HECW2: variants seen among roughly 807,000 people sequenced by gnomAD.
HECW2 encodes HECT, C2 and WW domain containing E3 ubiquitin protein ligase 2.
Under a neutral mutation model 175.2 loss-of-function variants are expected in HECW2, and 61 were observed. That is an observed-to-expected ratio of 0.35 (90% CI 0.28 to 0.43). The LOEUF is 0.43. HECW2 is among the 20% of genes least tolerant of loss of function. The pLI is 1.00. For synonymous variants in HECW2, 671 were observed against 731.0 expected (o/e 0.92, Z 1.32); for missense variants, 1,524 against 2,000.5 (o/e 0.76, Z 4.54).
chr2:196,375,452 A>C (rs540069342), intron 2 of HECW2, among the ~76,000 whole-genome samples: 14 of 152,322 alleles, frequency 9.2e-5, no homozygotes, highest in Admixed American at 7.2e-4. Flanking sequence ...TTTCTCTATA[A>C]ACTTTAATAG....
chr2:196,560,227 C>T (rs1018261917), intron 1 of HECW2, among the ~76,000 whole-genome samples: 2 of 152,156 alleles, frequency 1.3e-5, no homozygotes, highest in Non-Finnish European at 2.9e-5. Flanking sequence ...CTCACTGCAA[C>T]CTCCACCTCC....
intron 2 of HECW2, among the ~76,000 whole-genome samples, chr2:196,392,528 T>G (rs1464229941): frequency 6.6e-6 from 1 of 152,176 alleles, no homozygotes; most frequent in East Asian, 1.9e-4. Flanking sequence ...TTGTCAGCAA[T>G]GCAACACAAG....
chr2:196,566,699 AT>A (rs58391487), intron 1 of HECW2, among the ~76,000 whole-genome samples: 47,656 of 95,566 alleles, frequency 0.5, 6,923 homozygotes, highest in South Asian at 0.59. Flanking sequence ...CACCCAGCTA[AT>A]TTTTTTTTTT....
At position 196,266,433 on chromosome 2, in the gene HECW2, G is replaced by C. The variant is rs146639083; in HGVS notation, c.3335+4760C>G. Among the ~76,000 whole-genome samples, 646 of 152,276 alleles carry C rather than the reference G, an allele frequency of 4.2e-3. 1 individual carries two copies. The highest frequency in any genetic ancestry group is 7.5e-3 in the Non-Finnish European group (511 of 68,020). ...GTAGGAAAATAATAGTCTCAGTCCAGATTTGCTATTATTTAAGTTTGGTAC... is the reference window on the plus strand; with the variant it reads ...GTAGGAAAATAATAGTCTCAGTCCACATTTGCTATTATTTAAGTTTGGTAC... On this transcript the variant is annotated intron_variant, in intron 17 of 28. Transcript: ENST00000644978.
chr2:196,264,890 C>A (rs1689449595), intron 17 of HECW2, among the ~76,000 whole-genome samples: 1 of 152,156 alleles, frequency 6.6e-6, no homozygotes, highest in African/African-American at 2.4e-5. Context: ...TTCCTTACTG[C>A]CCTGAAGAAG....
intron 14 of HECW2, among the ~76,000 whole-genome samples, chr2:196,287,087 A>G (rs1291923691): frequency 2.6e-5 from 4 of 152,196 alleles, no homozygotes; most frequent in Admixed American, 2.6e-4. Flanking sequence ...TTTCTACCCT[A>G]CAAATATTTG....
intron 13 of HECW2, among the ~76,000 whole-genome samples, chr2:196,299,908 G>A (rs568594819): frequency 1.0e-3 from 149 of 147,650 alleles, no homozygotes; most frequent in African/African-American, 3.6e-3. Flanking sequence ...CAGCCTGGGC[G>A]ACAGAGCGAA....
intron 2 of HECW2, among the ~76,000 whole-genome samples, chr2:196,414,541 C>T (rs1216442644): frequency 6.6e-6 from 1 of 152,176 alleles, no homozygotes. Flanking sequence ...AAGGGGCCTT[C>T]CTGAGTCCTA....
At chr2:196,377,573 A>G (rs928617837) in intron 2 of HECW2, among the ~76,000 whole-genome samples, 5 of 152,204 alleles carry the variant, frequency 3.3e-5, no homozygotes, top group Non-Finnish European at 7.3e-5. Context: ...CAGCATGGGA[A>G]AGACCCACCT....
In HECW2 at chr2:196,196,153, G is replaced by GA. The variant is rs1222808047; in HGVS notation, c.*5123dup. On this transcript the variant is annotated 3_prime_UTR_variant, in exon 29 of 29. Transcript: ENST00000644978. ...GGTCATCCTTCCTGACAGCTCCTCG[G>GA]AATGCAGTTACCACTCTGAATCTTG... is the stretch of plus-strand genomic sequence containing the variant. 1 of 152,192 alleles carries GA rather than the reference G, an allele frequency of 6.6e-6. No individual in the cohort carries two copies. The highest frequency in any genetic ancestry group is 1.5e-5 in the Non-Finnish European group (1 of 68,072). The allele number at this position is 152,192 out of a possible 1,614,324, so 9.4% of individuals were successfully genotyped here. A position where few individuals can be genotyped will look rare whatever the true frequency, so the allele number is the denominator to read the frequency against.
At chr2:196,318,489 T>G in intron 9 of HECW2, 63 bp downstream of exon 9, 1 of 1,394,056 alleles carries the variant, frequency 7.2e-7, no homozygotes, top group Non-Finnish European at 9.4e-7. Flanking sequence ...AGGGGAAAAC[T>G]ACAGAACTTC....
chr2:196,562,590 T>C (rs939989984), intron 1 of HECW2, among the ~76,000 whole-genome samples: 1 of 152,212 alleles, frequency 6.6e-6, no homozygotes, highest in Non-Finnish European at 1.5e-5. Flanking sequence ...AACCCCAGCC[T>C]TATCACTGCA....
intron 2 of HECW2, among the ~76,000 whole-genome samples, chr2:196,399,937 G>C (rs1328868952): frequency 6.6e-6 from 1 of 152,180 alleles, no homozygotes; most frequent in African/African-American, 2.4e-5. Context: ...CAGGAATTAA[G>C]TAGACTCCTG....
intron 13 of HECW2, among the ~76,000 whole-genome samples, 183 bp downstream of exon 13, chr2:196,306,305 A>G (rs1208813862): frequency 6.6e-6 from 1 of 152,208 alleles, no homozygotes; most frequent in Non-Finnish European, 1.5e-5. Flanking sequence ...TAGCAGCCCA[A>G]TGAACTCAAA....
intron 14 of HECW2, among the ~76,000 whole-genome samples, chr2:196,287,194 T>G (rs1690423761): frequency 6.6e-6 from 1 of 152,168 alleles, no homozygotes; most frequent in Non-Finnish European, 1.5e-5. Context: ...ACTCCCAATC[T>G]GACACCCAAA....
At chr2:196,546,978 C>T (rs539257747) in intron 1 of HECW2, among the ~76,000 whole-genome samples, 18 of 152,144 alleles carry the variant, frequency 1.2e-4, no homozygotes, top group African/African-American at 4.1e-4. Flanking sequence ...AAGTAAGCAT[C>T]GGGAAAGTAT....
Position 196,319,483 on chromosome 2 carries a change from ATCT to A in HECW2, c.1404_1406del (p.Glu468del), listed in dbSNP as rs1390228888. On this transcript the variant is annotated inframe_deletion, in exon 9 of 29. Transcript: ENST00000644978. ...AACCCAGGTCTTGCTGGAACTCGTGATCTTCTTCATCTGAATCAATATGAAGCA... is the reference window on the plus strand; with the variant it reads ...AACCCAGGTCTTGCTGGAACTCGTGATCTTCATCTGAATCAATATGAAGCA... The A allele has an allele frequency of 1.9e-6, 3 of 1,614,064 alleles. No homozygotes were observed. Among genetic ancestry groups the A allele is most frequent in the Non-Finnish European group, 2.5e-6 (3 of 1,180,004 alleles).
chr2:196,439,189 G>A (rs566608179), intron 1 of HECW2, among the ~76,000 whole-genome samples: 64 of 152,282 alleles, frequency 4.2e-4, no homozygotes, highest in African/African-American at 1.4e-3. Flanking sequence ...ATAAAAAGTA[G>A]CCATGGTTAT....
intron 18 of HECW2, 36 bp downstream of exon 18, chr2:196,257,787 G>C (rs1469862104): frequency 5.7e-6 from 8 of 1,394,744 alleles, no homozygotes; most frequent in Non-Finnish European, 7.1e-6. Flanking sequence ...GATGACAAGA[G>C]ACCTTCTGCT....
Sources: gnomAD v4.1 joint callset for allele counts (sites outside exome capture counted in the v4.1 genomes callset) on GRCh38, gnomAD v4.1.1 for gene constraint, MANE v1.5 for transcripts, NCBI Gene and HGNC (gene_info 2026-07-23, HGNC 2026-07-21) for gene names.